SLC8A1: variants seen among roughly 807,000 people sequenced by gnomAD.
The protein encoded by SLC8A1 is solute carrier family 8 member A1, also known as sodium/calcium exchanger 1.
Under a neutral mutation model 68.3 loss-of-function variants are expected in SLC8A1, and 18 were observed. That is an observed-to-expected ratio of 0.26 (90% CI 0.18 to 0.39). The LOEUF (loss-of-function observed/expected upper bound fraction) is 0.39, where lower values mean the gene tolerates loss of function less well. Among genes scored for constraint, SLC8A1 ranks in the 10% least tolerant of loss-of-function variants. SLC8A1 has a pLI of 1.00. For synonymous variants in SLC8A1, 475 were observed against 415.5 expected (o/e 1.14, Z -1.74); for missense variants, 985 against 1,156.7 (o/e 0.85, Z 2.15).
Position 40,118,805 on chromosome 2 carries a change from C to T in SLC8A1, c.2438-3176G>A, listed in dbSNP as rs150696681. Among the ~76,000 whole-genome samples the T allele has an allele frequency of 1.3e-3, 191 of 151,694 alleles. 1 individual carries two copies. Among genetic ancestry groups the T allele is most frequent in the African/African-American group, 4.2e-3 (173 of 41,390 alleles). ...ATGGCCACGTTAGGTGGGGCAGTTG[C>T]GGGGGTGGTAATTCCCTCTGTATGC... On this transcript the variant is annotated intron_variant, in intron 7 of 7. Transcript: ENST00000406785.
At chr2:40,318,534 C>T (rs995418738) in intron 2 of SLC8A1, among the ~76,000 whole-genome samples, 34 of 151,970 alleles carry the variant, frequency 2.2e-4, no homozygotes, top group African/African-American at 7.7e-4. Flanking sequence ...AGCCATGTGA[C>T]CAGTAAGTGA....
chr2:40,100,938 T>G (rs978190604), exon 8 of SLC8A1: 1 of 152,166 alleles, frequency 6.6e-6, no homozygotes, highest in African/African-American at 2.4e-5. Context: ...AGAATATCAC[T>G]GTTAAGCTTA....
chr2:40,421,264 T>G (rs116599334), intron 2 of SLC8A1, among the ~76,000 whole-genome samples: 1 of 152,212 alleles, frequency 6.6e-6, no homozygotes, highest in African/African-American at 2.4e-5. Flanking sequence ...ACCATGACCA[T>G]CTTCCTCATT....
rs13387863 is a variant in SLC8A1, at chr2:40,374,033, A to T, written c.1808+54440T>A. On this transcript the variant is annotated intron_variant, in intron 2 of 7. Coordinates refer to ENST00000406785, the Ensembl canonical transcript of SLC8A1. ...TGCCTGACCCAGTGTGAAACACAGG[A>T]CGCAGTGAGGTAAAGTTTGGACTTT... Among the ~76,000 whole-genome samples the T allele has an allele frequency of 4.3e-3, 662 of 152,274 alleles. 6 individuals are homozygous for T. The highest frequency in any genetic ancestry group is 0.015 in the African/African-American group (619 of 41,580).
At chr2:40,108,947 G>A (rs777290211) in exon 8 of SLC8A1, 2 of 152,200 alleles carry the variant, frequency 1.3e-5, no homozygotes, top group Non-Finnish European at 2.9e-5. Flanking sequence ...GTAAGGAAAT[G>A]TCTCTGAAAA....
At chr2:40,157,389 T>C (rs1422347603) in intron 6 of SLC8A1, among the ~76,000 whole-genome samples, 1 of 152,178 alleles carries the variant, frequency 6.6e-6, no homozygotes, top group Non-Finnish European at 1.5e-5. Flanking sequence ...AGGGAGGTTT[T>C]GGAAGGCAGG....
At chr2:40,358,965 G>T (rs181316064) in intron 2 of SLC8A1, among the ~76,000 whole-genome samples, 10 of 152,278 alleles carry the variant, frequency 6.6e-5, no homozygotes, top group Admixed American at 5.9e-4. Context: ...AGAGCTTACT[G>T]GGAGAAGGTG....
intron 1 of SLC8A1, among the ~76,000 whole-genome samples, chr2:40,471,152 A>C (rs1381330244): frequency 1.3e-5 from 2 of 152,194 alleles, no homozygotes; most frequent in Admixed American, 1.3e-4. Context: ...TGGAGACTAC[A>C]TATGAAGCAA....
chr2:40,263,626 G>T (rs1488532606), intron 2 of SLC8A1, among the ~76,000 whole-genome samples: 1 of 152,052 alleles, frequency 6.6e-6, no homozygotes, highest in Non-Finnish European at 1.5e-5. Flanking sequence ...TTCATAAATG[G>T]TGCTAGCCAT....
At chr2:40,511,799 A>G (rs1310984012) in intron 1 of SLC8A1, among the ~76,000 whole-genome samples, 1 of 152,216 alleles carries the variant, frequency 6.6e-6, no homozygotes, top group African/African-American at 2.4e-5. Flanking sequence ...AAACAACCCA[A>G]GAATCTTTGA....
intron 6 of SLC8A1, among the ~76,000 whole-genome samples, chr2:40,145,340 A>G (rs961041589): frequency 6.6e-6 from 1 of 152,124 alleles, no homozygotes; most frequent in African/African-American, 2.4e-5. Flanking sequence ...CTGGTTGCCA[A>G]AGGTCAACCA....
intron 2 of SLC8A1, among the ~76,000 whole-genome samples, chr2:40,215,761 C>A (rs2057377149): frequency 6.6e-6 from 1 of 151,538 alleles, no homozygotes; most frequent in Admixed American, 6.6e-5. Context: ...GTAGTGTTGG[C>A]ATTACAGGTC....
intron 2 of SLC8A1, among the ~76,000 whole-genome samples, chr2:40,264,171 A>C (rs1043236519): frequency 6.6e-6 from 1 of 151,110 alleles, no homozygotes; most frequent in African/African-American, 2.4e-5. Context: ...CACCAGTTAG[A>C]ATGGCAATCA....
chr2:40,253,818 C>CTCTG (rs200816387), intron 2 of SLC8A1, among the ~76,000 whole-genome samples: 1 of 110,626 alleles, frequency 9.0e-6, no homozygotes, highest in Admixed American at 1.2e-4. Context: ...CAGAGCCAAA[C>CTCTG]TCTGTCTGTC....
At chr2:40,252,307 GTTTTTTT>G (rs774937738) in intron 2 of SLC8A1, among the ~76,000 whole-genome samples, 1 of 147,284 alleles carries the variant, frequency 6.8e-6, no homozygotes, top group African/African-American at 2.5e-5. Flanking sequence ...TATGTGTGCA[GTTTTTTT>G]TTTTAGATAG....
At chr2:40,389,152 A>G (rs1271868879) in intron 2 of SLC8A1, among the ~76,000 whole-genome samples, 2 of 152,090 alleles carry the variant, frequency 1.3e-5, no homozygotes, top group Non-Finnish European at 2.9e-5. Context: ...AACCTAAAAT[A>G]TTTCTATTTC....
intron 2 of SLC8A1, among the ~76,000 whole-genome samples, chr2:40,214,710 T>A (rs184132138): frequency 6.6e-6 from 1 of 152,262 alleles, no homozygotes; most frequent in East Asian, 1.9e-4. Flanking sequence ...AGTGCTGGGA[T>A]TACAGGCGTG....
chr2:40,332,117 G>T (rs2076477270), intron 2 of SLC8A1, among the ~76,000 whole-genome samples: 2 of 152,150 alleles, frequency 1.3e-5, no homozygotes, highest in South Asian at 4.1e-4. Flanking sequence ...GCCTGGCAGT[G>T]AGTTTTCTAA....
chr2:40,465,641 G>T (rs1426256735), intron 1 of SLC8A1, among the ~76,000 whole-genome samples: 3 of 152,022 alleles, frequency 2.0e-5, no homozygotes, highest in Admixed American at 6.6e-5. Context: ...GTATATTATA[G>T]TTAGGTCATT....
Sources: allele counts gnomAD v4.1 joint callset (sites outside exome capture counted in the v4.1 genomes callset), GRCh38; gene constraint gnomAD v4.1.1; transcripts MANE v1.5; gene names NCBI Gene and HGNC (gene_info 2026-07-23, HGNC 2026-07-21).